Variants in PON1 observed in about 807,000 individuals in gnomAD.
PON1 encodes serum paraoxonase/arylesterase 1.
PON1 carries 37 observed loss-of-function variants against 39.2 expected under a neutral mutation model. That is an observed-to-expected ratio of 0.94 (90% CI 0.73 to 1.24). The LOEUF is 1.24. Among genes scored for constraint, PON1 ranks in the 50% most tolerant of loss-of-function variants. The probability of loss-of-function intolerance (pLI) is 0.00; values close to 1 mark genes in which losing one functional copy is unlikely to be tolerated. For missense variants in PON1, 397 were observed against 413.5 expected, an observed-to-expected ratio of 0.96 and a Z score of 0.35; for synonymous variants, 148 against 152.2, an observed-to-expected ratio of 0.97 and a Z score of 0.21.
chr7:95,309,166 A>G (rs1407526185), intron 5 of PON1, among the ~76,000 whole-genome samples: 1 of 152,162 alleles, frequency 6.6e-6, no homozygotes, highest in Non-Finnish European at 1.5e-5. Flanking sequence ...TCTCAAAATC[A>G]TACAGCTCAT....
At position 95,298,846 on chromosome 7, in the gene PON1, A is replaced by G; in HGVS notation, c.*98T>C. ...CTTCATGATGTCCACATTTAGGGTC[A>G]GCATTCATTGTTCAGCTAAGAACAC... On this transcript the variant is annotated 3_prime_UTR_variant, in exon 9 of 9. Coordinates refer to ENST00000222381, the MANE Select transcript of PON1 (RefSeq NM_000446.7). 1 of 1,428,582 alleles carries G rather than the reference A, an allele frequency of 7.0e-7. No individual in the cohort carries two copies. Among genetic ancestry groups the G allele is most frequent in the Non-Finnish European group, 9.9e-7 (1 of 1,014,614 alleles). The allele number at this position is 1,428,582 out of a possible 1,614,324, so 88.5% of individuals were successfully genotyped here. A position where few individuals can be genotyped will look rare whatever the true frequency, so the allele number is the denominator to read the frequency against.
intron 8 of PON1, among the ~76,000 whole-genome samples, chr7:95,301,107 T>G (rs1807411748): frequency 6.6e-6 from 1 of 152,112 alleles, no homozygotes; most frequent in Admixed American, 6.5e-5. Flanking sequence ...GTCAAGATGA[T>G]ATCATATATA....
In PON1 at chr7:95,318,339, A is replaced by G; in HGVS notation, c.129T>C (p.Asn43=). Residue 43 remains asparagine, a synonymous_variant, in exon 2 of 9, where the codon AAT becomes AAC. Coordinates refer to ENST00000222381, the MANE Select transcript of PON1 (RefSeq NM_000446.7). ...CATACATACCGATTCCTTTAACTAA[A>G]TTACAGTTAGGAAGTTCTACGGGTT... ...EVQPVELPNC[N]LVKGIETGSE... is the part of the protein sequence containing the mutation. 6.2e-7 allele frequency: 1 copy of G among 1,608,444 alleles called. No individual in the cohort carries two copies. The highest frequency in any genetic ancestry group is 1.7e-5 in the Admixed American group (1 of 59,994).
intron 6 of PON1, among the ~76,000 whole-genome samples, chr7:95,306,695 G>A (rs1052462216): frequency 5.9e-5 from 9 of 152,284 alleles, no homozygotes; most frequent in Middle Eastern, 6.8e-3. Context: ...CAAGGCCCAG[G>A]TTCTGCATTT....
intron 3 of PON1, among the ~76,000 whole-genome samples, chr7:95,316,214 G>A (rs962835129): frequency 6.6e-6 from 1 of 152,146 alleles, no homozygotes; most frequent in African/African-American, 2.4e-5. Context: ...CACTATATCA[G>A]CTACCATAGC....
chr7:95,302,942 C>T (rs1311436670), intron 7 of PON1, among the ~76,000 whole-genome samples: 1 of 152,176 alleles, frequency 6.6e-6, no homozygotes, highest in Non-Finnish European at 1.5e-5. Context: ...TTGATGACTG[C>T]ACAGATTGCT....
chr7:95,320,881 C>G (rs1050555917), intron 1 of PON1, among the ~76,000 whole-genome samples: 1 of 152,240 alleles, frequency 6.6e-6, no homozygotes, highest in Non-Finnish European at 1.5e-5. Context: ...AGAAACCATA[C>G]AGCCTTTGCT....
chr7:95,309,466 G>C (rs1209823280), intron 5 of PON1, among the ~76,000 whole-genome samples: 1 of 152,184 alleles, frequency 6.6e-6, no homozygotes, highest in Non-Finnish European at 1.5e-5. Context: ...GAAAGGGGCA[G>C]AGTGGAATGG....
chr7:95,298,909 C>T lies in PON1; in HGVS notation c.*35G>A. On this transcript the variant is annotated 3_prime_UTR_variant, in exon 9 of 9. Transcript: ENST00000222381. ...ATATGGCAAGCGGTTGAAATAATGG[C>T]CTCAGTTTCTATGGCATGGGTGCAA... 6.2e-7 allele frequency: 1 copy of T among 1,613,564 alleles called. No homozygotes were observed. The highest frequency in any genetic ancestry group is 8.5e-7 in the Non-Finnish European group (1 of 1,179,510).
At chr7:95,323,140 C>T (rs370145546) in intron 1 of PON1, among the ~76,000 whole-genome samples, 17 of 152,222 alleles carry the variant, frequency 1.1e-4, no homozygotes, top group African/African-American at 3.9e-4. Flanking sequence ...CAGGGAGCCC[C>T]TAGGTGATGC....
chr7:95,319,514 A>G (rs1173412673), intron 1 of PON1, among the ~76,000 whole-genome samples: 1 of 152,126 alleles, frequency 6.6e-6, no homozygotes, highest in Non-Finnish European at 1.5e-5. Context: ...CCCAACGTAT[A>G]ACCAGAGTAA....
chr7:95,321,456 G>A (rs777839842), intron 1 of PON1, among the ~76,000 whole-genome samples: 31 of 152,158 alleles, frequency 2.0e-4, no homozygotes, highest in African/African-American at 4.6e-4. Flanking sequence ...TACTACACAC[G>A]CCTCATTCAT....
intron 1 of PON1, among the ~76,000 whole-genome samples, chr7:95,320,346 A>G (rs1355319506): frequency 2.6e-5 from 4 of 152,218 alleles, no homozygotes; most frequent in Non-Finnish European, 4.4e-5. Context: ...TCTAGCCTGG[A>G]AAACATAGAA....
At position 95,299,029 on chromosome 7, in the gene PON1, A is replaced by C. The variant is rs1807356313; in HGVS notation, c.983T>G (p.Leu328Trp). 6.2e-7 allele frequency: 1 copy of C among 1,614,014 alleles called. No individual in the cohort carries two copies. The highest frequency in any genetic ancestry group is 1.1e-5 in the South Asian group (1 of 91,084). The change falls in exon 9 of 9, where the codon TTG becomes TGG. Residue 328 changes from leucine to tryptophan, a missense_variant. Transcript: ENST00000222381. ...TQVYAENGTVLQGSTVASVYK... is the reference protein window; with the variant it reads ...TQVYAENGTVWQGSTVASVYK... Reference sequence around the variant, plus strand: ...CACAGAGGCAACTGTACTGCCTTGCAACACTGTGCCATTTTCTGCATAAAC... The same window carrying C: ...CACAGAGGCAACTGTACTGCCTTGCCACACTGTGCCATTTTCTGCATAAAC...
At chr7:95,306,481 G>T (rs1228285614) in intron 6 of PON1, 115 bp from the exon 7 acceptor site, 12 of 796,566 alleles carry the variant, frequency 1.5e-5, no homozygotes. Flanking sequence ...ATGGAAAATG[G>T]AACCCACCTC....
chr7:95,322,647 A>G (rs1807924814), intron 1 of PON1, among the ~76,000 whole-genome samples: 1 of 152,152 alleles, frequency 6.6e-6, no homozygotes, highest in Admixed American at 6.5e-5. Flanking sequence ...GGGACAAGGA[A>G]GTTGCCATAC....
At chr7:95,299,244 C>A (rs1807363428) in intron 8 of PON1, 142 bp from the exon 9 acceptor site, 1 of 774,616 alleles carries the variant, frequency 1.3e-6, no homozygotes, top group South Asian at 1.6e-5. Context: ...TTACACTTAA[C>A]ACACCTGTTT....
rs143592425 is a variant in PON1 at position 95,308,073 on chromosome 7, T to C, written c.636A>G (p.Glu212=). 1 of 1,614,028 alleles carries C rather than the reference T, an allele frequency of 6.2e-7. No homozygotes were observed. The highest frequency in any genetic ancestry group is 1.3e-5 in the African/African-American group (1 of 74,926). Residue 212 remains glutamate (E), a synonymous_variant, in exon 6 of 9, where the codon GAA becomes GAG. Transcript: ENST00000222381. ...WSYVVYYSPS[E]VRVVAEGFDF... is the part of the protein sequence containing the mutation. ...CAAATCCTTCTGCCACCACTCGAAC[T>C]TCACTTGGACTATAGTAGACAACAT...
chr7:95,317,696 G>A lies in PON1; in HGVS notation c.145+627C>T, dbSNP rs148559407. Among the ~76,000 whole-genome samples, 450 of 151,964 alleles carry A rather than the reference G, an allele frequency of 3.0e-3. 1 individual carries two copies. The highest frequency in any genetic ancestry group is 0.01 in the African/African-American group (426 of 41,438). On this transcript the variant is annotated intron_variant, in intron 2 of 8. Transcript: ENST00000222381. ...TGGAACCAGCTGGAGAGTTGAGCCC[G>A]GGGACTCTCCTTGTTGGTTGCCTCC...
Sources: gnomAD v4.1 joint callset for allele counts (sites outside exome capture counted in the v4.1 genomes callset) on GRCh38, gnomAD v4.1.1 for gene constraint, MANE v1.5 for transcripts, NCBI Gene and HGNC (gene_info 2026-07-23, HGNC 2026-07-21) for gene names.